The following SPAG16 variants were observed in gnomAD, a reference collection of about 807,000 sequenced individuals.
SPAG16 encodes sperm associated antigen 16, also known as sperm-associated antigen 16 protein.
In SPAG16, 86 loss-of-function variants were observed where a neutral mutation model predicts 80.4. That is an observed-to-expected ratio of 1.07 (90% CI 0.90 to 1.28). The LOEUF (loss-of-function observed/expected upper bound fraction) is 1.28. SPAG16 is among the 50% of genes most tolerant of loss of function. SPAG16 has a pLI of 0.00. For missense variants in SPAG16, 870 were observed against 765.3 expected (o/e 1.14, Z -1.61); for synonymous variants, 294 against 265.9 (o/e 1.11, Z -1.03).
rs2057112996 is a variant in SPAG16 at position 214,177,055 on chromosome 2, A to T, written c.1720+27789A>T. On this transcript the variant is annotated intron_variant, in intron 15 of 15. Transcript: ENST00000331683. ...AATATAGAATTATTTAAGAATTAAG[A>T]TTATTTCAAGAATTATGTTTGGAAT... 2.0e-5 allele frequency among the ~76,000 whole-genome samples: 3 copies of T among 151,186 alleles called. No individual in the cohort carries two copies. The South Asian group carries it at 6.2e-4, about 31-fold the overall frequency.
At chr2:213,699,564 C>G (rs1173733964) in intron 10 of SPAG16, among the ~76,000 whole-genome samples, 1 of 152,126 alleles carries the variant, frequency 6.6e-6, no homozygotes, top group East Asian at 1.9e-4. Context: ...ACTGCTGCAG[C>G]AGGATGTCTA....
chr2:213,447,203 T>C (rs1290576298), intron 9 of SPAG16, among the ~76,000 whole-genome samples: 2 of 152,192 alleles, frequency 1.3e-5, no homozygotes, highest in Non-Finnish European at 2.9e-5. Context: ...TTATTTTATT[T>C]CTCATTGGGA....
At chr2:213,718,166 A>AAG (rs1553615706) in intron 10 of SPAG16, among the ~76,000 whole-genome samples, 1 of 150,928 alleles carries the variant, frequency 6.6e-6, no homozygotes, top group Non-Finnish European at 1.5e-5. Context: ...AAAAAAAAAA[A>AAG]AAAGAAAACC....
chr2:214,287,379 C>A (rs1415317508), intron 15 of SPAG16, among the ~76,000 whole-genome samples: 1 of 152,060 alleles, frequency 6.6e-6, no homozygotes, highest in Non-Finnish European at 1.5e-5. Flanking sequence ...GCTGACAGTT[C>A]TCAGATTTAT....
At chr2:213,409,410 A>G (rs2068839154) in intron 9 of SPAG16, among the ~76,000 whole-genome samples, 1 of 152,212 alleles carries the variant, frequency 6.6e-6, no homozygotes, top group African/African-American at 2.4e-5. Flanking sequence ...ATTTTGTTTT[A>G]AAGGTTTAAG....
chr2:214,246,374 C>T (rs556545083), intron 15 of SPAG16, among the ~76,000 whole-genome samples: 1 of 152,236 alleles, frequency 6.6e-6, no homozygotes, highest in South Asian at 2.1e-4. Flanking sequence ...GAGGTGAAAT[C>T]CATGATCCCT....
chr2:214,402,379 C>T (rs1701758480), intron 15 of SPAG16, among the ~76,000 whole-genome samples: 1 of 151,908 alleles, frequency 6.6e-6, no homozygotes, highest in African/African-American at 2.4e-5. Flanking sequence ...CAATACCTCT[C>T]TCTACCTTAG....
intron 4 of SPAG16, among the ~76,000 whole-genome samples, chr2:213,316,315 C>T (rs1332176203): frequency 2.6e-5 from 4 of 151,940 alleles, no homozygotes; most frequent in Non-Finnish European, 4.4e-5. Flanking sequence ...TCCTGCTGGC[C>T]CCACCTTGAC....
At chr2:214,191,653 G>A (rs2057666616) in intron 15 of SPAG16, among the ~76,000 whole-genome samples, 1 of 145,134 alleles carries the variant, frequency 6.9e-6, no homozygotes, top group Non-Finnish European at 1.5e-5. Context: ...GGCGAAGGTT[G>A]CAGTGATCCA....
chr2:214,410,177 C>A lies in SPAG16; in HGVS notation c.1758C>A (p.Ile586=). ...CTCAGGCAAGTGGCAATGGTGTTAT[C>A]CATTTGCTAGATCTTAAATCTGGGG... ...VLAQASGNGV[I]HLLDLKSGEI... The change falls in exon 16 of 16, where the codon ATC becomes ATA. Residue 586 remains isoleucine, a synonymous_variant. Coordinates refer to ENST00000331683, the MANE Select transcript of SPAG16 (RefSeq NM_024532.5). 6.2e-7 allele frequency: 1 copy of A among 1,613,830 alleles called. No individual in the cohort carries two copies. Among genetic ancestry groups the A allele is most frequent in the Non-Finnish European group, 8.5e-7 (1 of 1,179,728 alleles).
At chr2:214,132,952 C>T (rs1050135665) in intron 14 of SPAG16, among the ~76,000 whole-genome samples, 19 of 151,926 alleles carry the variant, frequency 1.3e-4, no homozygotes, top group Non-Finnish European at 2.4e-4. Flanking sequence ...ATTAGCCAGG[C>T]GTGGTGGCAG....
rs556657883 is a variant in SPAG16 at position 213,813,246 on chromosome 2, A to G, written c.1071-49239A>G. On this transcript the variant is annotated intron_variant, in intron 10 of 15. Coordinates refer to ENST00000331683, the MANE Select transcript of SPAG16 (RefSeq NM_024532.5). ...AGGCAGGGCACACCTTTAGCAGAGC[A>G]ATGGAGAAAGAGATGGAAACCATTA... Among the ~76,000 whole-genome samples, 3 of 152,340 alleles carry G rather than the reference A, an allele frequency of 2.0e-5. No individual in the cohort carries two copies. In the South Asian group the frequency reaches 6.2e-4, roughly 32 times the overall value.
intron 10 of SPAG16, among the ~76,000 whole-genome samples, chr2:213,843,683 T>C (rs1331867414): frequency 1.3e-5 from 2 of 150,858 alleles, no homozygotes; most frequent in African/African-American, 5.0e-5. Context: ...CAAACGCGTC[T>C]CTACTAAAAA....
chr2:213,860,323 C>T (rs1427350), intron 10 of SPAG16, among the ~76,000 whole-genome samples: 50,198 of 146,506 alleles, frequency 0.34, 9,086 homozygotes, highest in South Asian at 0.47. Flanking sequence ...TGTAGAATTA[C>T]CCACAAAAGT....
At chr2:213,459,691 A>C (rs997875692) in intron 9 of SPAG16, among the ~76,000 whole-genome samples, 1 of 152,244 alleles carries the variant, frequency 6.6e-6, no homozygotes, top group Non-Finnish European at 1.5e-5. Context: ...ATTCAGAAGA[A>C]AATGAACTCT....
At chr2:214,175,223 G>A (rs1035036583) in intron 15 of SPAG16, among the ~76,000 whole-genome samples, 51 of 110,348 alleles carry the variant, frequency 4.6e-4, no homozygotes, top group South Asian at 8.9e-4. Context: ...AGAAATGTGT[G>A]TATATATATA....
chr2:214,067,190 T>C (rs758446305), intron 13 of SPAG16, among the ~76,000 whole-genome samples: 1 of 152,148 alleles, frequency 6.6e-6, no homozygotes, highest in African/African-American at 2.4e-5. Context: ...GACCAGTGAT[T>C]ACAAATCCAT....
chr2:213,682,221 T>G (rs1559372431), intron 10 of SPAG16, among the ~76,000 whole-genome samples: 1 of 152,202 alleles, frequency 6.6e-6, no homozygotes, highest in African/African-American at 2.4e-5. Context: ...TACACCTGCA[T>G]AGACAACTGG....
At chr2:214,355,237 C>G (rs1698697196) in intron 15 of SPAG16, among the ~76,000 whole-genome samples, 1 of 144,382 alleles carries the variant, frequency 6.9e-6, no homozygotes. Flanking sequence ...AACAGGCAAC[C>G]TACAAAATGG....
Sources: allele counts gnomAD v4.1 joint callset (sites outside exome capture counted in the v4.1 genomes callset), GRCh38; gene constraint gnomAD v4.1.1; transcripts MANE v1.5; gene names NCBI Gene and HGNC (gene_info 2026-07-23, HGNC 2026-07-21).